The following ARMH4 variants were observed in gnomAD, a reference collection of about 807,000 sequenced individuals.
The protein encoded by ARMH4 is armadillo-like helical domain-containing protein 4.
Under a neutral mutation model 61.9 loss-of-function variants are expected in ARMH4, and 49 were observed. The ratio of observed to expected loss-of-function variants is 0.79; its 90% CI spans 0.63 to 1.00. The LOEUF is 1.00. ARMH4 is among the 50% of genes least tolerant of loss of function. The pLI, the probability that ARMH4 is intolerant of heterozygous loss-of-function variation, is 0.00. For missense variants in ARMH4, 934 were observed against 930.0 expected, an observed-to-expected ratio of 1.00 and a Z score of -0.06; for synonymous variants, 368 against 341.5, an observed-to-expected ratio of 1.08 and a Z score of -0.85.
chr14:58,081,124 A>AATAAATAAATAAATAT (rs1885212104), intron 5 of ARMH4, among the ~76,000 whole-genome samples: 1 of 151,746 alleles, frequency 6.6e-6, no homozygotes, highest in African/African-American at 2.4e-5. Flanking sequence ...TAAATAAATA[A>AATAAATAAATAAATAT]ATAAAGAGTC....
chr14:58,116,390 C>G, intron 4 of ARMH4: 1 of 378,258 alleles, frequency 2.6e-6, no homozygotes, highest in Non-Finnish European at 5.5e-6. Flanking sequence ...TAAATATTTT[C>G]TTGGCTGGGT....
At chr14:58,150,733 T>C (rs896471407) in intron 1 of ARMH4, among the ~76,000 whole-genome samples, 1 of 152,174 alleles carries the variant, frequency 6.6e-6, no homozygotes, top group Non-Finnish European at 1.5e-5. Context: ...GCTCGGTTCA[T>C]TATTGTGACA....
rs1020222990 is a variant in ARMH4, at chr14:58,036,655, T to C, written c.2090-24505A>G. On this transcript the variant is annotated intron_variant, in intron 5 of 7. Transcript: ENST00000267485. The stretch of plus-strand genomic sequence containing the variant: ...ATGACTGTTTATCTAGAAAACCCCA[T>C]TGTCTCAGCCCAAAATCTCCTTAAG... Among the ~76,000 whole-genome samples, 18 of 130,940 alleles carry C rather than the reference T, an allele frequency of 1.4e-4. No homozygotes were observed. The East Asian group carries it at 2.6e-3, about 19-fold the overall frequency. 85.9% of individuals were successfully genotyped at this position (130,940 alleles called of 152,430 possible).
intron 1 of ARMH4, chr14:58,141,609 C>A: frequency 2.2e-6 from 1 of 459,456 alleles, no homozygotes; most frequent in South Asian, 1.7e-5. Flanking sequence ...CTATCAACTG[C>A]CACAAGAAGA....
At chr14:58,119,902 T>G (rs973342824) in intron 4 of ARMH4, among the ~76,000 whole-genome samples, 1 of 152,220 alleles carries the variant, frequency 6.6e-6, no homozygotes, top group Non-Finnish European at 1.5e-5. Flanking sequence ...CACCACTCTT[T>G]AGAATTTTTT....
intron 5 of ARMH4, among the ~76,000 whole-genome samples, chr14:58,042,645 A>C (rs1343682051): frequency 6.6e-6 from 1 of 152,212 alleles, no homozygotes; most frequent in East Asian, 1.9e-4. Flanking sequence ...CCTTCAAAAA[A>C]TCAATGACTC....
At chr14:58,137,625 T>C (rs756484864) in intron 2 of ARMH4, among the ~76,000 whole-genome samples, 16 of 152,220 alleles carry the variant, frequency 1.1e-4, no homozygotes, top group Non-Finnish European at 1.9e-4. Flanking sequence ...CTCGAACTCC[T>C]GACCTCAAGT....
chr14:58,137,226 C>G (rs573058343), intron 2 of ARMH4, among the ~76,000 whole-genome samples: 2 of 152,156 alleles, frequency 1.3e-5, no homozygotes, highest in African/African-American at 4.8e-5. Context: ...GGGGGGCTGT[C>G]CTACGTAGTC....
intron 4 of ARMH4, among the ~76,000 whole-genome samples, chr14:58,128,920 G>A (rs911656142): frequency 2.6e-5 from 4 of 152,166 alleles, no homozygotes; most frequent in Non-Finnish European, 5.9e-5. Flanking sequence ...AATGACTGGT[G>A]TTCTTAAAAA....
intron 5 of ARMH4, among the ~76,000 whole-genome samples, chr14:58,028,202 G>C (rs1883088466): frequency 6.6e-6 from 1 of 152,136 alleles, no homozygotes; most frequent in Non-Finnish European, 1.5e-5. Flanking sequence ...CCTCCTGCTG[G>C]AACATTTGTT....
intron 4 of ARMH4, among the ~76,000 whole-genome samples, chr14:58,125,040 G>T (rs1886852035): frequency 6.6e-6 from 1 of 152,118 alleles, no homozygotes; most frequent in South Asian, 2.1e-4. Context: ...GTCTTTAGGA[G>T]ATTATTATTG....
intron 4 of ARMH4, among the ~76,000 whole-genome samples, chr14:58,118,961 A>T (rs1886627287): frequency 6.6e-6 from 1 of 152,222 alleles, no homozygotes; most frequent in Non-Finnish European, 1.5e-5. Context: ...CCACCTGGAG[A>T]ATCTCCTTCT....
At chr14:58,146,026 G>A (rs138037218) in intron 1 of ARMH4, among the ~76,000 whole-genome samples, 2,062 of 152,302 alleles carry the variant, frequency 0.014, 18 homozygotes, top group Middle Eastern at 0.027. Context: ...AAGAATAAAC[G>A]AGAAGACTGT....
intron 6 of ARMH4, among the ~76,000 whole-genome samples, chr14:58,007,070 C>T (rs1243000869): frequency 6.6e-6 from 1 of 152,154 alleles, no homozygotes; most frequent in Non-Finnish European, 1.5e-5. Flanking sequence ...CACACAAGAA[C>T]TGTGAATTAT....
chr14:58,022,964 T>C (rs1166503691), intron 5 of ARMH4, among the ~76,000 whole-genome samples: 1 of 152,204 alleles, frequency 6.6e-6, no homozygotes, highest in Admixed American at 6.5e-5. Context: ...TTGCATTATG[T>C]CTAAATAAAC....
intron 4 of ARMH4, among the ~76,000 whole-genome samples, chr14:58,099,208 G>A (rs1317608273): frequency 6.6e-6 from 1 of 152,188 alleles, no homozygotes; most frequent in Non-Finnish European, 1.5e-5. Context: ...TAAATTTTGG[G>A]AATTGTCAAT....
At position 58,139,244 on chromosome 14, in the gene ARMH4, G is replaced by GCGGAC; in HGVS notation, c.114_115insGTCCG (p.His39ValfsTer14). On this transcript the variant is annotated frameshift_variant, in exon 2 of 8. Transcript: ENST00000267485. LOFTEE classifies it high-confidence loss of function. ...GACTGCCCTTTTTCCGCATGAACAT[G>GCGGAC]TGCTATCTCCCTCCTCCTTTCTATT... 2 of 1,614,192 alleles carry GCGGAC rather than the reference G, an allele frequency of 1.2e-6. No individual in the cohort carries two copies. Among genetic ancestry groups the GCGGAC allele is most frequent in the Non-Finnish European group, 1.7e-6 (2 of 1,180,038 alleles).
intron 4 of ARMH4, among the ~76,000 whole-genome samples, chr14:58,122,715 A>AT (rs1316520301): frequency 6.6e-6 from 1 of 152,210 alleles, no homozygotes; most frequent in East Asian, 1.9e-4. Context: ...CGAATGCCTA[A>AT]TAGGGCTTGC....
At chr14:58,080,628 C>T (rs1885191476) in intron 5 of ARMH4, among the ~76,000 whole-genome samples, 1 of 152,146 alleles carries the variant, frequency 6.6e-6, no homozygotes. Flanking sequence ...AAAAACTACC[C>T]ATTGGGTACT....
Sources: gnomAD v4.1 joint callset for allele counts (sites outside exome capture counted in the v4.1 genomes callset) on GRCh38, gnomAD v4.1.1 for gene constraint, MANE v1.5 for transcripts, NCBI Gene and HGNC (gene_info 2026-07-23, HGNC 2026-07-21) for gene names.